The following DCTN4 variants were observed in gnomAD, a reference collection of about 807,000 sequenced individuals.
DCTN4 encodes dynactin subunit 4.
A neutral mutation model predicts 62.7 loss-of-function variants in DCTN4; 23 were observed. That is an observed-to-expected ratio of 0.37 (90% CI 0.26 to 0.52). The LOEUF (loss-of-function observed/expected upper bound fraction) is 0.52. Among genes scored for constraint, DCTN4 ranks in the 20% least tolerant of loss-of-function variants. The pLI is 0.92. For missense variants in DCTN4, 514 were observed against 580.4 expected (o/e 0.89, Z 1.18); for synonymous variants, 199 against 202.1 (o/e 0.98, Z 0.13).
At chr5:150,716,442 G>A (rs1440529783) in intron 11 of DCTN4, among the ~76,000 whole-genome samples, 1 of 152,164 alleles carries the variant, frequency 6.6e-6, no homozygotes, top group Non-Finnish European at 1.5e-5. Flanking sequence ...TCAGACTTAT[G>A]TTGTAATTAG....
At chr5:150,737,218 G>C (rs889900471) in intron 4 of DCTN4, among the ~76,000 whole-genome samples, 3 of 151,978 alleles carry the variant, frequency 2.0e-5, no homozygotes, top group Non-Finnish European at 4.4e-5. Flanking sequence ...CAAGATAGAT[G>C]GTCAACAAAG....
intron 4 of DCTN4, among the ~76,000 whole-genome samples, chr5:150,741,818 G>A (rs892501755): frequency 6.6e-6 from 1 of 152,136 alleles, no homozygotes; most frequent in Non-Finnish European, 1.5e-5. Context: ...AGAACAAATG[G>A]AACCTTAACT....
chr5:150,727,975 A>G (rs1760217778), intron 8 of DCTN4, among the ~76,000 whole-genome samples: 1 of 152,100 alleles, frequency 6.6e-6, no homozygotes. Flanking sequence ...CTAATGTTAA[A>G]AGATTTTAAA....
At chr5:150,736,024 C>T (rs771477870) in intron 4 of DCTN4, among the ~76,000 whole-genome samples, 1 of 150,894 alleles carries the variant, frequency 6.6e-6, no homozygotes, top group Non-Finnish European at 1.5e-5. Flanking sequence ...TTAGACAAGG[C>T]TTTTGAATTA....
At chr5:150,719,864 T>C (rs1162787236) in intron 9 of DCTN4, 94 bp from the exon 10 acceptor site, 2 of 752,486 alleles carry the variant, frequency 2.7e-6, no homozygotes, top group Admixed American at 3.0e-5. Context: ...AAGGATTTCA[T>C]GTTAATTAGA....
At chr5:150,724,995 A>G (rs1043327349) in intron 8 of DCTN4, among the ~76,000 whole-genome samples, 43 of 151,992 alleles carry the variant, frequency 2.8e-4, no homozygotes, top group African/African-American at 1.0e-3. Context: ...ATCTCTACTA[A>G]AAGTACAAAA....
intron 3 of DCTN4, among the ~76,000 whole-genome samples, chr5:150,752,901 C>G (rs1382720307): frequency 1.3e-5 from 2 of 150,580 alleles, no homozygotes; most frequent in Non-Finnish European, 2.9e-5. Flanking sequence ...GAGTCTTGCT[C>G]TGTCACCCAG....
At chr5:150,729,248 G>T (rs1206381136) in intron 8 of DCTN4, among the ~76,000 whole-genome samples, 1 of 150,754 alleles carries the variant, frequency 6.6e-6, no homozygotes, top group Non-Finnish European at 1.5e-5. Context: ...TTTTTATAAA[G>T]GTTTTTCATT....
At chr5:150,748,543 T>C (rs1395150084) in intron 3 of DCTN4, among the ~76,000 whole-genome samples, 2 of 149,476 alleles carry the variant, frequency 1.3e-5, no homozygotes, top group Non-Finnish European at 3.0e-5. Flanking sequence ...AACCCAAATG[T>C]CCAACAATGA....
intron 4 of DCTN4, among the ~76,000 whole-genome samples, chr5:150,735,399 C>T (rs1438973862): frequency 6.6e-6 from 1 of 152,212 alleles, no homozygotes; most frequent in Non-Finnish European, 1.5e-5. Context: ...CAACCAAGGA[C>T]CCTCACAGAG....
intron 3 of DCTN4, among the ~76,000 whole-genome samples, chr5:150,747,364 C>T (rs975169795): frequency 1.1e-4 from 17 of 152,172 alleles, no homozygotes; most frequent in Admixed American, 1.0e-3. Flanking sequence ...GCCATACTGC[C>T]CAAGGTAATT....
In DCTN4 at chr5:150,731,028, A is replaced by C. The variant is rs1236775728; in HGVS notation, c.724+16T>G. ...GATGTAGACTAGAAACAAAGTAGAA[A>C]AACACAGAAAATTACCCTCTGTTAA... On this transcript the variant is annotated intron_variant, in intron 7 of 12. Coordinates refer to ENST00000447998, the MANE Select transcript of DCTN4 (RefSeq NM_016221.4). The C allele has an allele frequency of 1.5e-5, 22 of 1,450,100 alleles. No homozygotes were observed. The highest frequency in any genetic ancestry group is 1.9e-5 in the Non-Finnish European group (20 of 1,038,820). The allele number at this position is 1,450,100 out of a possible 1,614,324, so 89.8% of individuals were successfully genotyped here.
intron 1 of DCTN4, chr5:150,758,113 CGCCTTTT>C: frequency 1.0e-6 from 1 of 985,546 alleles, no homozygotes; most frequent in Non-Finnish European, 1.2e-6. Context: ...ATGTCTTACT[CGCCTTTT>C]AATCCCTAAA....
Position 150,708,508 on chromosome 5 carries a change from A to G in DCTN4, c.*2641T>C, listed in dbSNP as rs1435278597. The G allele has an allele frequency of 6.6e-6, 1 of 152,388 alleles. No individual in the cohort carries two copies. The highest frequency in any genetic ancestry group is 1.9e-4 in the East Asian group (1 of 5,206). 9.4% of individuals were successfully genotyped at this position (152,388 alleles called of 1,614,324 possible). A position where few individuals can be genotyped will look rare whatever the true frequency, so the allele number is the denominator to read the frequency against. ...GCAATGACCCAGGATAAAAACTGGT[A>G]GAGGTCTAACAACATTTATATAATG... is the stretch of plus-strand genomic sequence containing the variant. On this transcript the variant is annotated 3_prime_UTR_variant, in exon 13 of 13. Coordinates refer to ENST00000447998, the MANE Select transcript of DCTN4 (RefSeq NM_016221.4).
At position 150,731,504 on chromosome 5, in the gene DCTN4, G is replaced by A. The variant is rs778485864; in HGVS notation, c.538-15C>T. The A allele has an allele frequency of 9.3e-6, 15 of 1,608,762 alleles. No homozygotes were observed. The highest frequency in any genetic ancestry group is 8.5e-7 in the Non-Finnish European group (1 of 1,177,882). ...CCATATTTGTCCTAAACAAAGTTCA[G>A]AAATTCCTATTAGAAAGTCCACTTT... On this transcript the variant is annotated splice_polypyrimidine_tract_variant and intron_variant, in intron 5 of 12. Coordinates refer to ENST00000447998, the MANE Select transcript of DCTN4 (RefSeq NM_016221.4).
At chr5:150,721,715 C>T (rs1759959508) in intron 9 of DCTN4, among the ~76,000 whole-genome samples, 1 of 152,160 alleles carries the variant, frequency 6.6e-6, no homozygotes, top group African/African-American at 2.4e-5. Context: ...TTTTCAATTT[C>T]TGGGAATTCT....
chr5:150,735,093 C>A (rs1424264245), intron 4 of DCTN4, among the ~76,000 whole-genome samples: 8 of 152,154 alleles, frequency 5.3e-5, no homozygotes, highest in African/African-American at 1.9e-4. Flanking sequence ...AGCTTTATGG[C>A]CCCACTGATC....
At position 150,716,029 on chromosome 5, in the gene DCTN4, T is replaced by C. The variant is rs1426491905; in HGVS notation, c.1072-367A>G. 5.3e-5 allele frequency among the ~76,000 whole-genome samples: 8 copies of C among 152,122 alleles called. No homozygotes were observed. In the East Asian group the frequency reaches 1.3e-3, roughly 26 times the overall value. On this transcript the variant is annotated intron_variant, in intron 11 of 12. Transcript: ENST00000447998. ...AAGCGATTCTCCTGACTCAGCCTCATGAGTAGCTAGGACTACAGGTGCCCA... is the reference window on the plus strand; with the variant it reads ...AAGCGATTCTCCTGACTCAGCCTCACGAGTAGCTAGGACTACAGGTGCCCA...
At chr5:150,756,352 A>T in intron 2 of DCTN4, 65 bp downstream of exon 2, 1 of 1,228,512 alleles carries the variant, frequency 8.1e-7, no homozygotes, top group Non-Finnish European at 1.1e-6. Context: ...GTGTCTTTTT[A>T]ACTAGCTATT....
Sources: gnomAD v4.1 joint callset for allele counts (sites outside exome capture counted in the v4.1 genomes callset) on GRCh38, gnomAD v4.1.1 for gene constraint, MANE v1.5 for transcripts, NCBI Gene and HGNC (gene_info 2026-07-23, HGNC 2026-07-21) for gene names.